Variants in LRRTM4 observed in about 807,000 individuals in gnomAD.
LRRTM4 encodes the protein leucine-rich repeat transmembrane neuronal protein 4.
In LRRTM4, 25 loss-of-function variants were observed where a neutral mutation model predicts 47.6. The observed-to-expected ratio is 0.53, with a 90% CI of 0.38 to 0.73. The LOEUF (loss-of-function observed/expected upper bound fraction) is 0.73, where lower values mean the gene tolerates loss of function less well. LRRTM4 is among the 30% of genes least tolerant of loss of function. The pLI is 0.00. For missense variants in LRRTM4, 638 were observed against 713.4 expected (o/e 0.89, Z 1.20); for synonymous variants, 311 against 269.5 (o/e 1.15, Z -1.51).
intron 3 of LRRTM4, among the ~76,000 whole-genome samples, chr2:76,821,323 A>C (rs1287032991): frequency 1.3e-5 from 2 of 151,694 alleles, no homozygotes; most frequent in African/African-American, 4.8e-5. Context: ...TTAAAAATGC[A>C]TATGTCTGGC....
chr2:76,934,232 A>G (rs1411382508), intron 3 of LRRTM4, among the ~76,000 whole-genome samples: 1 of 152,176 alleles, frequency 6.6e-6, no homozygotes, highest in Non-Finnish European at 1.5e-5. Flanking sequence ...AATAAAAGAG[A>G]GCATTATATA....
intron 3 of LRRTM4, among the ~76,000 whole-genome samples, chr2:77,049,157 T>TATATACATATATAC (rs1351971551): frequency 9.4e-6 from 1 of 106,378 alleles, no homozygotes; most frequent in African/African-American, 5.1e-5. Context: ...TATATATATA[T>TATATACATATATAC]ACACACACAC....
At chr2:76,795,720 G>C (rs546342524) in intron 3 of LRRTM4, among the ~76,000 whole-genome samples, 9 of 152,138 alleles carry the variant, frequency 5.9e-5, no homozygotes, top group East Asian at 1.9e-4. Flanking sequence ...TACTGATGTC[G>C]TTTCCTTTGG....
At chr2:77,513,281 T>A (rs1679088524) in intron 3 of LRRTM4, among the ~76,000 whole-genome samples, 1 of 152,148 alleles carries the variant, frequency 6.6e-6, no homozygotes, top group Non-Finnish European at 1.5e-5. Flanking sequence ...GACAAATGAA[T>A]GTAAGTAGCT....
chr2:77,047,661 C>T (rs1679279700), intron 3 of LRRTM4, among the ~76,000 whole-genome samples: 1 of 152,026 alleles, frequency 6.6e-6, no homozygotes, highest in Non-Finnish European at 1.5e-5. Context: ...TAATGGTCTA[C>T]CCTACTCCAG....
At chr2:76,808,165 C>T (rs1446038419) in intron 3 of LRRTM4, among the ~76,000 whole-genome samples, 10 of 151,576 alleles carry the variant, frequency 6.6e-5, no homozygotes, top group Middle Eastern at 3.4e-3. Flanking sequence ...GGATTACAGG[C>T]GCCCGCCACG....
intron 3 of LRRTM4, among the ~76,000 whole-genome samples, chr2:77,180,255 G>C (rs1249815759): frequency 6.6e-6 from 1 of 152,152 alleles, no homozygotes; most frequent in East Asian, 1.9e-4. Context: ...TCCCAGTACA[G>C]TTTTCTTGTA....
chr2:76,910,239 C>T (rs966016624), intron 3 of LRRTM4, among the ~76,000 whole-genome samples: 15 of 151,270 alleles, frequency 9.9e-5, no homozygotes, highest in Non-Finnish European at 1.6e-4. Flanking sequence ...AGCAAACTAT[C>T]GGAAGAACAA....
chr2:77,296,278 T>C (rs995930279), intron 3 of LRRTM4, among the ~76,000 whole-genome samples: 6 of 152,218 alleles, frequency 3.9e-5, no homozygotes, highest in Admixed American at 1.3e-4. Context: ...CAAAATAGTA[T>C]ATCATCATTT....
chr2:77,211,538 T>A (rs531120971), intron 3 of LRRTM4, among the ~76,000 whole-genome samples: 133 of 152,246 alleles, frequency 8.7e-4, no homozygotes, highest in African/African-American at 3.1e-3. Context: ...TTAAGGAAAA[T>A]CAAATACTTA....
chr2:77,047,997 G>A (rs1247580239), intron 3 of LRRTM4, among the ~76,000 whole-genome samples: 1 of 151,882 alleles, frequency 6.6e-6, no homozygotes, highest in East Asian at 1.9e-4. Flanking sequence ...TGTTAAATAA[G>A]GTGATTATTT....
intron 3 of LRRTM4, among the ~76,000 whole-genome samples, chr2:77,180,526 G>T (rs1673318402): frequency 1.3e-5 from 2 of 152,092 alleles, no homozygotes; most frequent in South Asian, 4.1e-4. Context: ...TGGAGATTTA[G>T]TTCTTCCTAT....
At chr2:76,887,728 G>A (rs1230453728) in intron 3 of LRRTM4, among the ~76,000 whole-genome samples, 1 of 138,114 alleles carries the variant, frequency 7.2e-6, no homozygotes, top group Non-Finnish European at 1.6e-5. Context: ...TTTAAAATGA[G>A]TATATATTAA....
chr2:77,002,137 TTG>T (rs1275186290), intron 3 of LRRTM4, among the ~76,000 whole-genome samples: 1 of 152,300 alleles, frequency 6.6e-6, no homozygotes, highest in African/African-American at 2.4e-5. Context: ...TCAAATAATA[TTG>T]TGAGTCCCCT....
intron 3 of LRRTM4, among the ~76,000 whole-genome samples, chr2:77,183,741 C>CA (rs1673419460): frequency 6.6e-6 from 1 of 152,102 alleles, no homozygotes; most frequent in Non-Finnish European, 1.5e-5. Flanking sequence ...CCATGGAATA[C>CA]TATGCAGCCA....
At chr2:76,823,753 AG>A (rs765036233) in intron 3 of LRRTM4, among the ~76,000 whole-genome samples, 191 of 151,512 alleles carry the variant, frequency 1.3e-3, no homozygotes, top group Non-Finnish European at 2.6e-3. Flanking sequence ...ATACACATTA[AG>A]TCTTCTAGAT....
chr2:76,916,764 C>T (rs900425717), intron 3 of LRRTM4, among the ~76,000 whole-genome samples: 1 of 152,090 alleles, frequency 6.6e-6, no homozygotes, highest in African/African-American at 2.4e-5. Flanking sequence ...CTCCGATGTG[C>T]AAAAATATAA....
chr2:76,869,471 CT>C (rs1409630701), intron 3 of LRRTM4, among the ~76,000 whole-genome samples: 1 of 151,976 alleles, frequency 6.6e-6, no homozygotes, highest in Non-Finnish European at 1.5e-5. Context: ...ACTGGCAAAG[CT>C]AAGAAGTCTT....
chr2:77,275,330 T>G (rs542244191), intron 3 of LRRTM4, among the ~76,000 whole-genome samples: 5 of 152,186 alleles, frequency 3.3e-5, no homozygotes, highest in African/African-American at 1.2e-4. Context: ...GATTTCTCCC[T>G]ACCTCCAACG....
Sources: gnomAD v4.1 joint callset for allele counts (sites outside exome capture counted in the v4.1 genomes callset) on GRCh38, gnomAD v4.1.1 for gene constraint, MANE v1.5 for transcripts, NCBI Gene and HGNC (gene_info 2026-07-23, HGNC 2026-07-21) for gene names.